Variants in AUTS2 observed in about 807,000 individuals in gnomAD.
The protein encoded by AUTS2 is activator of transcription and developmental regulator AUTS2.
Under a neutral mutation model 112.4 loss-of-function variants are expected in AUTS2, and 17 were observed. That is an observed-to-expected ratio of 0.15 (90% CI 0.10 to 0.23). The LOEUF is 0.23. Ranked by LOEUF, AUTS2 falls within the 10% of genes least tolerant of loss-of-function variation. AUTS2 has a pLI of 1.00. For missense variants in AUTS2, 1,510 were observed against 1,701.6 expected (o/e 0.89, Z 1.98); for synonymous variants, 751 against 702.7 (o/e 1.07, Z -1.09).
At chr7:69,851,452 G>C (rs893356189) in intron 1 of AUTS2, among the ~76,000 whole-genome samples, 1 of 152,180 alleles carries the variant, frequency 6.6e-6, no homozygotes. Flanking sequence ...GTCTCGCCAT[G>C]TTGCTCAGGC....
intron 6 of AUTS2, among the ~76,000 whole-genome samples, chr7:70,713,295 T>C (rs1043138238): frequency 6.6e-6 from 1 of 152,238 alleles, no homozygotes; most frequent in Non-Finnish European, 1.5e-5. Context: ...AACTATTTTG[T>C]AAACAAAGTA....
In AUTS2 at chr7:70,701,841, C is replaced by G. The variant is rs139246400; in HGVS notation, c.742+3221C>G. On this transcript the variant is annotated intron_variant, in intron 6 of 18. Transcript: ENST00000342771. ...ATGTGAATTTTATGAATCCTTCTGT[C>G]TTTGTGATTCAACCATCTGCCAAAG... 1.5e-3 allele frequency among the ~76,000 whole-genome samples: 223 copies of G among 152,286 alleles called. 1 individual carries two copies. Among genetic ancestry groups the G allele is most frequent in the African/African-American group, 5.1e-3 (214 of 41,560 alleles).
intron 6 of AUTS2, among the ~76,000 whole-genome samples, chr7:70,745,170 G>A (rs765130864): frequency 2.0e-5 from 3 of 151,968 alleles, no homozygotes; most frequent in Non-Finnish European, 2.9e-5. Context: ...CTATCATTAC[G>A]GAGATTTTTA....
At chr7:69,830,468 A>G (rs1791450610) in intron 1 of AUTS2, among the ~76,000 whole-genome samples, 2 of 152,222 alleles carry the variant, frequency 1.3e-5, no homozygotes, top group African/African-American at 2.4e-5. Flanking sequence ...TATTTCACCA[A>G]TGAGCTCAGA....
intron 4 of AUTS2, among the ~76,000 whole-genome samples, chr7:70,247,495 T>A (rs1244753509): frequency 6.6e-6 from 1 of 152,190 alleles, no homozygotes; most frequent in East Asian, 1.9e-4. Context: ...AGCTACACAC[T>A]TAATGGTTAA....
intron 2 of AUTS2, among the ~76,000 whole-genome samples, chr7:70,103,639 G>A (rs931624239): frequency 1.3e-5 from 2 of 152,136 alleles, no homozygotes; most frequent in African/African-American, 4.8e-5. Context: ...GGGTGCAGTG[G>A]CTCACGCCTG....
At chr7:70,423,870 C>A (rs1795323725) in intron 4 of AUTS2, among the ~76,000 whole-genome samples, 2 of 152,122 alleles carry the variant, frequency 1.3e-5, no homozygotes, top group South Asian at 4.1e-4. Flanking sequence ...GAAATCCTTG[C>A]AGAATGTGAC....
chr7:70,021,956 C>T (rs1052967599), intron 2 of AUTS2, among the ~76,000 whole-genome samples: 1 of 151,754 alleles, frequency 6.6e-6, no homozygotes, highest in Non-Finnish European at 1.5e-5. Flanking sequence ...ACATTAATGT[C>T]TGGTTTAGTG....
At chr7:70,177,721 A>G (rs1018923407) in intron 4 of AUTS2, among the ~76,000 whole-genome samples, 1 of 152,184 alleles carries the variant, frequency 6.6e-6, no homozygotes, top group African/African-American at 2.4e-5. Context: ...GGTCATTTTT[A>G]TGATGTGTAA....
At chr7:69,716,799 G>A (rs1798630649) in intron 1 of AUTS2, among the ~76,000 whole-genome samples, 1 of 152,066 alleles carries the variant, frequency 6.6e-6, no homozygotes, top group Admixed American at 6.6e-5. Context: ...TGATTAATTT[G>A]CTGGAGTGAC....
intron 5 of AUTS2, among the ~76,000 whole-genome samples, chr7:70,523,053 T>A (rs991740240): frequency 2.0e-5 from 3 of 152,242 alleles, no homozygotes; most frequent in Non-Finnish European, 2.9e-5. Flanking sequence ...GATAACTTTC[T>A]TACCTGGGAC....
chr7:70,232,184 T>G (rs1218612337), intron 4 of AUTS2, among the ~76,000 whole-genome samples: 1 of 152,198 alleles, frequency 6.6e-6, no homozygotes, highest in Non-Finnish European at 1.5e-5. Flanking sequence ...TTATCCATGT[T>G]TTAGGTGTAG....
At chr7:70,152,354 A>G (rs1053306924) in intron 4 of AUTS2, among the ~76,000 whole-genome samples, 4 of 152,144 alleles carry the variant, frequency 2.6e-5, no homozygotes, top group Admixed American at 1.3e-4. Flanking sequence ...AAAACCAATA[A>G]GAAAGGGAAA....
chr7:70,364,607 AAATAAAT>A (rs1309034728), intron 4 of AUTS2, among the ~76,000 whole-genome samples: 2 of 150,448 alleles, frequency 1.3e-5, no homozygotes, highest in African/African-American at 4.9e-5. Context: ...ATAAATAAAT[AAATAAAT>A]AAAAATTAAA....
intron 4 of AUTS2, among the ~76,000 whole-genome samples, chr7:70,332,685 C>G (rs1413972951): frequency 1.3e-5 from 2 of 152,118 alleles, no homozygotes; most frequent in Non-Finnish European, 2.9e-5. Flanking sequence ...TGATCTTTGA[C>G]AAACCTGACA....
chr7:70,593,209 G>A (rs1803033112), intron 5 of AUTS2, among the ~76,000 whole-genome samples: 1 of 152,130 alleles, frequency 6.6e-6, no homozygotes, highest in Non-Finnish European at 1.5e-5. Flanking sequence ...ACAAAATAGA[G>A]ACAATAATAG....
In AUTS2 at chr7:70,033,810, G is replaced by A. The variant is rs548326601; in HGVS notation, c.523-84322G>A. 3.9e-5 allele frequency among the ~76,000 whole-genome samples: 6 copies of A among 152,164 alleles called. No individual in the cohort carries two copies. In the South Asian group the frequency reaches 8.3e-4, roughly 21 times the overall value. On this transcript the variant is annotated intron_variant, in intron 2 of 18. Transcript: ENST00000342771. ...TAACTGTGGTTATTCAAAGTTGGGA[G>A]ACGTGGAGGGGCGGGGAGGATAGGG...
At chr7:69,854,679 G>A (rs1334510069) in intron 1 of AUTS2, among the ~76,000 whole-genome samples, 4 of 151,890 alleles carry the variant, frequency 2.6e-5, no homozygotes, top group Non-Finnish European at 4.4e-5. Flanking sequence ...AAAAATTAAC[G>A]TTATCTTCTC....
At chr7:69,613,541 G>T (rs1219245583) in intron 1 of AUTS2, among the ~76,000 whole-genome samples, 3 of 152,194 alleles carry the variant, frequency 2.0e-5, no homozygotes, top group Non-Finnish European at 4.4e-5. Context: ...GTTATTGTAT[G>T]TCAGTGTCTG....
Sources: gnomAD v4.1 joint callset for allele counts (sites outside exome capture counted in the v4.1 genomes callset) on GRCh38, gnomAD v4.1.1 for gene constraint, MANE v1.5 for transcripts, NCBI Gene and HGNC (gene_info 2026-07-23, HGNC 2026-07-21) for gene names.